ADAMTSL1: variants seen among roughly 807,000 people sequenced by gnomAD.
ADAMTSL1 encodes the protein ADAMTS like 1.
A neutral mutation model predicts 201.8 loss-of-function variants in ADAMTSL1; 126 were observed. The ratio of observed to expected loss-of-function variants is 0.62; its 90% CI spans 0.54 to 0.72. The LOEUF (loss-of-function observed/expected upper bound fraction) is 0.72. Among genes scored for constraint, ADAMTSL1 ranks in the 30% least tolerant of loss-of-function variants. ADAMTSL1 has a pLI of 0.00. For synonymous variants in ADAMTSL1, 1,121 were observed against 903.4 expected, an observed-to-expected ratio of 1.24 and a Z score of -4.32; for missense variants, 2,679 against 2,277.8, an observed-to-expected ratio of 1.18 and a Z score of -3.59.
intron 1 of ADAMTSL1, among the ~76,000 whole-genome samples, chr9:18,116,142 T>C (rs886818072): frequency 1.3e-5 from 2 of 152,252 alleles, no homozygotes; most frequent in Admixed American, 6.5e-5. Flanking sequence ...CTTGATGCCA[T>C]CATATGTTAA....
At chr9:18,834,463 C>CA (rs1275329943) in intron 23 of ADAMTSL1, among the ~76,000 whole-genome samples, 2 of 152,062 alleles carry the variant, frequency 1.3e-5, no homozygotes, top group African/African-American at 2.4e-5. Context: ...CCATATTTGA[C>CA]AATCTGGTAG....
intron 1 of ADAMTSL1, among the ~76,000 whole-genome samples, chr9:17,916,337 T>A (rs1826093293): frequency 6.6e-6 from 1 of 152,230 alleles, no homozygotes; most frequent in Non-Finnish European, 1.5e-5. Flanking sequence ...TTGATGAAGT[T>A]GAATTTATCA....
intron 1 of ADAMTSL1, among the ~76,000 whole-genome samples, chr9:18,081,730 A>G (rs959951072): frequency 6.6e-6 from 1 of 152,150 alleles, no homozygotes; most frequent in African/African-American, 2.4e-5. Flanking sequence ...TGAATCCTTT[A>G]TTTTTGTCTA....
chr9:18,333,403 A>G (rs903410832), intron 2 of ADAMTSL1, among the ~76,000 whole-genome samples: 2 of 152,208 alleles, frequency 1.3e-5, no homozygotes, highest in African/African-American at 2.4e-5. Context: ...TCCTGTGAAG[A>G]GGTGCATTCC....
intron 1 of ADAMTSL1, among the ~76,000 whole-genome samples, chr9:18,114,564 C>T (rs558694366): frequency 1.4e-4 from 21 of 152,200 alleles, no homozygotes; most frequent in Admixed American, 5.2e-4. Flanking sequence ...CCCATAAAGA[C>T]TGTTCTCAAA....
intron 2 of ADAMTSL1, among the ~76,000 whole-genome samples, chr9:18,285,446 A>G (rs926453548): frequency 9.9e-5 from 15 of 152,166 alleles, no homozygotes; most frequent in Admixed American, 3.3e-4. Flanking sequence ...ATTATACTCT[A>G]TAGTGATCTG....
intron 1 of ADAMTSL1, among the ~76,000 whole-genome samples, chr9:17,990,233 T>C (rs1248180891): frequency 6.6e-6 from 1 of 152,052 alleles, no homozygotes; most frequent in Non-Finnish European, 1.5e-5. Context: ...TAAGCTTTCC[T>C]TTTATGTAGC....
At chr9:18,574,467 T>C (rs1412036293) in intron 4 of ADAMTSL1, 2 of 622,372 alleles carry the variant, frequency 3.2e-6, no homozygotes, top group Non-Finnish European at 5.7e-6. Context: ...TAGACTAGAG[T>C]TATTTTTCTT....
At chr9:18,385,036 C>T (rs1214311762) in intron 2 of ADAMTSL1, among the ~76,000 whole-genome samples, 1 of 152,158 alleles carries the variant, frequency 6.6e-6, no homozygotes, top group Admixed American at 6.6e-5. Flanking sequence ...TGCCAACTCC[C>T]TGGGGATGCA....
At chr9:18,826,526 C>T (rs1588175728) in intron 22 of ADAMTSL1, 63 bp downstream of exon 22, 12 of 1,538,052 alleles carry the variant, frequency 7.8e-6, no homozygotes, top group Non-Finnish European at 1.1e-5. Context: ...CTAACCCACC[C>T]TCTACCTCCT....
At chr9:18,892,674 A>T in intron 26 of ADAMTSL1, 78 bp downstream of exon 26, 1 of 1,453,062 alleles carries the variant, frequency 6.9e-7, no homozygotes, top group Non-Finnish European at 9.3e-7. Context: ...GTGAAATGCT[A>T]TCACTGCCAC....
chr9:18,058,298 A>G (rs917782705), intron 1 of ADAMTSL1, among the ~76,000 whole-genome samples: 2 of 152,200 alleles, frequency 1.3e-5, no homozygotes, highest in African/African-American at 4.8e-5. Flanking sequence ...GATGCTAGAG[A>G]AATCTATCTG....
chr9:18,552,640 C>G (rs1331809395), intron 3 of ADAMTSL1, among the ~76,000 whole-genome samples: 1 of 151,544 alleles, frequency 6.6e-6, no homozygotes, highest in Non-Finnish European at 1.5e-5. Context: ...TTAAAATCTT[C>G]TTCTTTGTTA....
intron 2 of ADAMTSL1, among the ~76,000 whole-genome samples, chr9:18,324,096 T>C (rs552902697): frequency 6.6e-6 from 1 of 152,142 alleles, no homozygotes; most frequent in South Asian, 2.1e-4. Flanking sequence ...ATAAAGGCAG[T>C]GTGATATTAT....
chr9:18,123,126 T>C (rs1475969766), intron 1 of ADAMTSL1, among the ~76,000 whole-genome samples: 1 of 152,212 alleles, frequency 6.6e-6, no homozygotes, highest in Non-Finnish European at 1.5e-5. Flanking sequence ...TCCACTTACA[T>C]TGAATTTAAA....
chr9:18,699,612 G>C lies in ADAMTSL1; in HGVS notation c.1575-7135G>C, dbSNP rs1307228983. Among the ~76,000 whole-genome samples, 7 of 152,284 alleles carry C rather than the reference G, an allele frequency of 4.6e-5. No homozygotes were observed. In the East Asian group the frequency reaches 9.7e-4, roughly 21 times the overall value. On this transcript the variant is annotated intron_variant, in intron 13 of 28. Coordinates refer to ENST00000380548, the MANE Select transcript of ADAMTSL1 (RefSeq NM_001040272.6). ...CCAAAAATGCTGGGATTACAAGTGT[G>C]AGCCATAGTGCCTGGCCACTTTAAT...
intron 1 of ADAMTSL1, among the ~76,000 whole-genome samples, chr9:17,967,571 A>C (rs922497369): frequency 1.3e-5 from 2 of 152,060 alleles, no homozygotes; most frequent in African/African-American, 4.8e-5. Context: ...ATGACAAAAA[A>C]GAGGCTTAGG....
chr9:18,707,179 C>A (rs1166652769), intron 14 of ADAMTSL1, 131 bp downstream of exon 14: 4 of 1,183,808 alleles, frequency 3.4e-6, no homozygotes, highest in Non-Finnish European at 4.6e-6. Context: ...GGCAGCCATT[C>A]TAAATGTAAA....
chr9:18,754,570 C>A (rs969800923), intron 16 of ADAMTSL1, among the ~76,000 whole-genome samples: 1 of 152,282 alleles, frequency 6.6e-6, no homozygotes, highest in East Asian at 1.9e-4. Context: ...GGAGAGAGGA[C>A]GACAGCTCAC....
Sources: gnomAD v4.1 joint callset for allele counts (sites outside exome capture counted in the v4.1 genomes callset) on GRCh38, gnomAD v4.1.1 for gene constraint, MANE v1.5 for transcripts, NCBI Gene and HGNC (gene_info 2026-07-23, HGNC 2026-07-21) for gene names.